Variants in PCNA observed in about 807,000 individuals in gnomAD.
PCNA encodes DNA sliding clamp PCNA.
A neutral mutation model predicts 27.8 loss-of-function variants in PCNA; 4 were observed. The observed-to-expected ratio is 0.14, with a 90% CI of 0.07 to 0.33. The LOEUF is 0.33. Among genes scored for constraint, PCNA ranks in the 10% least tolerant of loss-of-function variants. The probability of loss-of-function intolerance (pLI) is 1.00; values close to 1 mark genes in which losing one functional copy is unlikely to be tolerated. For synonymous variants in PCNA, 121 were observed against 119.4 expected (o/e 1.01, Z -0.09); for missense variants, 165 against 327.4 (o/e 0.50, Z 3.83).
chr20:5,118,761 C>T lies in PCNA; in HGVS notation c.319+8G>A. ...AGCTTCGTGACTCGGTAAAAAGGTACGACTTACTTGGTGCTTCAAATACTA... is the reference window on the plus strand; with the variant it reads ...AGCTTCGTGACTCGGTAAAAAGGTATGACTTACTTGGTGCTTCAAATACTA... On this transcript the variant is annotated splice_region_variant and intron_variant, in intron 2 of 5. Coordinates refer to ENST00000379143, the MANE Select transcript of PCNA (RefSeq NM_182649.2). 2 of 1,612,262 alleles carry T rather than the reference C, an allele frequency of 1.2e-6. No individual in the cohort carries two copies. The highest frequency in any genetic ancestry group is 1.1e-5 in the South Asian group (1 of 91,048).
In PCNA at chr20:5,115,340, A is replaced by T; in HGVS notation, c.729T>A (p.Asp243Glu). The change falls in exon 6 of 6, where the codon GAT (aspartate) becomes GAA (glutamate). Residue 243 changes from aspartate to glutamate, a missense_variant. Physicochemically the swap from Asp to Glu is conservative, Grantham distance 45. Transcript: ENST00000379143. The stretch of plus-strand genomic sequence containing the variant: ...CCAAGTAGTATTTTAAGTGTCCCAT[A>T]TCCGCAATTTTATACTCTACAACTG... Reference protein sequence around the residue: ...VPLVVEYKIADMGHLKYYLAP... With the variant: ...VPLVVEYKIAEMGHLKYYLAP... The T allele has an allele frequency of 6.2e-7, 1 of 1,614,006 alleles. No individual in the cohort carries two copies. The highest frequency in any genetic ancestry group is 1.1e-5 in the South Asian group (1 of 91,084).
At chr20:5,122,198 T>C (rs2090522856), upstream of PCNA, among the ~76,000 whole-genome samples, 1 of 152,106 alleles carries the variant, frequency 6.6e-6, no homozygotes, top group East Asian at 1.9e-4. Context: ...GCCAGGTTGG[T>C]CTTGAACTCC....
intron 3 of PCNA, 39 bp from the exon 4 acceptor site, chr20:5,117,703 A>G (rs1170723696): frequency 7.5e-7 from 1 of 1,336,514 alleles, no homozygotes; most frequent in African/African-American, 1.5e-5. Context: ...TAATTGTTAG[A>G]AATTTAATGA....
chr20:5,116,107 AAAACTTAAT>A (rs1375010937), intron 4 of PCNA, among the ~76,000 whole-genome samples: 1 of 152,238 alleles, frequency 6.6e-6, no homozygotes, highest in African/African-American at 2.4e-5. Context: ...CAAACTCTGG[AAAACTTAAT>A]AAATGATCTA....
At chr20:5,126,516 C>T (rs1349795528) in exon 1 of PCNA, 2 of 152,302 alleles carry the variant, frequency 1.3e-5, no homozygotes, top group African/African-American at 4.8e-5. Context: ...AAGGGAAGAG[C>T]TCTGGCCCAG....
chr20:5,120,914 CT>C (rs1432038413), upstream of PCNA, among the ~76,000 whole-genome samples: 1 of 152,178 alleles, frequency 6.6e-6, no homozygotes, highest in African/African-American at 2.4e-5. Flanking sequence ...TCAAGTGAGT[CT>C]CCTGCCTCAG....
At chr20:5,123,421 G>A (rs751036920), upstream of PCNA, among the ~76,000 whole-genome samples, 10 of 152,164 alleles carry the variant, frequency 6.6e-5, no homozygotes, top group Non-Finnish European at 1.2e-4. Flanking sequence ...CTGGATGGGC[G>A]CAGTGGCTCA....
upstream of PCNA, among the ~76,000 whole-genome samples, chr20:5,121,930 C>T (rs1158550506): frequency 6.6e-6 from 1 of 150,852 alleles, no homozygotes; most frequent in Non-Finnish European, 1.5e-5. Flanking sequence ...CAGCCTCAAA[C>T]TGTTACACAA....
upstream of PCNA, among the ~76,000 whole-genome samples, chr20:5,121,819 G>T (rs979633830): frequency 6.6e-6 from 1 of 151,864 alleles, no homozygotes; most frequent in Non-Finnish European, 1.5e-5. Context: ...TAGAGAGAAG[G>T]TCCCACTATG....
Position 5,115,344 on chromosome 20 carries a change from G to T in PCNA, c.725C>A (p.Ala242Glu), listed in dbSNP as rs746900735. The T allele has an allele frequency of 3.7e-6, 6 of 1,613,420 alleles. No homozygotes were observed. The highest frequency in any genetic ancestry group is 3.3e-5 in the Admixed American group (2 of 59,978). ...GTAGTATTTTAAGTGTCCCATATCCGCAATTTTATACTCTACAACTGAAAG... is the reference window on the plus strand; with the variant it reads ...GTAGTATTTTAAGTGTCCCATATCCTCAATTTTATACTCTACAACTGAAAG... ...DVPLVVEYKI[A>E]DMGHLKYYLA... Residue 242 changes from alanine (A) to glutamate (E), a missense_variant, in exon 6 of 6, where the codon GCG (alanine) becomes GAG (glutamate). Ala to Glu is a moderately radical substitution (Grantham distance 107). Transcript: ENST00000379143.
chr20:5,119,921 AGACAAC>A lies in PCNA; in HGVS notation c.-129_-124del. 1.4e-6 allele frequency: 1 copy of A among 727,200 alleles called. No individual in the cohort carries two copies. The highest frequency in any genetic ancestry group is 2.3e-6 in the Non-Finnish European group (1 of 431,398). 45.0% of individuals were successfully genotyped at this position (727,200 alleles called of 1,614,324 possible). A position where few individuals can be genotyped will look rare whatever the true frequency, so the allele number is the denominator to read the frequency against. On this transcript the variant is annotated 5_prime_UTR_variant, in exon 1 of 6. Transcript: ENST00000379143. ...CGCGACGACCGGCTGAGACCTAGAA[AGACAAC>A]GACCACTCTGCTACGCCTGCAACCG...
chr20:5,121,082 C>T (rs2090515169), upstream of PCNA, among the ~76,000 whole-genome samples: 1 of 152,188 alleles, frequency 6.6e-6, no homozygotes, highest in Non-Finnish European at 1.5e-5. Flanking sequence ...CTCGGCCTCT[C>T]AAAGTGCTGG....
At chr20:5,126,232 A>C (rs1297939405) in intron 1 of PCNA, among the ~76,000 whole-genome samples, 2 of 152,130 alleles carry the variant, frequency 1.3e-5, no homozygotes, top group East Asian at 1.9e-4. Context: ...ACAAACAAAC[A>C]AACCACTGAG....
chr20:5,124,058 C>T (rs1376406289), upstream of PCNA, among the ~76,000 whole-genome samples: 2 of 152,168 alleles, frequency 1.3e-5, no homozygotes, highest in Non-Finnish European at 2.9e-5. Flanking sequence ...TTGTTAGCCA[C>T]ATTAATAAGC....
upstream of PCNA, among the ~76,000 whole-genome samples, chr20:5,122,018 A>G (rs1433626864): frequency 8.0e-6 from 1 of 125,244 alleles, no homozygotes; most frequent in African/African-American, 3.1e-5. Flanking sequence ...GTCTCACTCT[A>G]TCACCCAGGC....
intron 1 of PCNA, among the ~76,000 whole-genome samples, chr20:5,125,509 T>C (rs1298680224): frequency 1.3e-5 from 2 of 152,040 alleles, no homozygotes; most frequent in Non-Finnish European, 2.9e-5. Context: ...AGAAGAAAAA[T>C]GTAAAATTAT....
At chr20:5,124,485 C>A (rs1446327482), upstream of PCNA, among the ~76,000 whole-genome samples, 6 of 151,970 alleles carry the variant, frequency 3.9e-5, no homozygotes, top group Admixed American at 6.6e-5. Context: ...CAAAAATTAG[C>A]CAGCTGTGGT....
upstream of PCNA, among the ~76,000 whole-genome samples, chr20:5,124,017 T>A (rs2090531538): frequency 6.6e-6 from 1 of 152,224 alleles, no homozygotes; most frequent in South Asian, 2.1e-4. Flanking sequence ...TGGCCTCCAC[T>A]GTCCAGTCCT....
chr20:5,118,085 G>A (rs2090488377), intron 3 of PCNA, among the ~76,000 whole-genome samples: 2 of 152,148 alleles, frequency 1.3e-5, no homozygotes, highest in African/African-American at 4.8e-5. Context: ...TAAAAAGCAA[G>A]CATTCTAGAA....
Sources: gnomAD v4.1 joint callset for allele counts (sites outside exome capture counted in the v4.1 genomes callset) on GRCh38, gnomAD v4.1.1 for gene constraint, MANE v1.5 for transcripts, NCBI Gene and HGNC (gene_info 2026-07-23, HGNC 2026-07-21) for gene names.